Variants in C2CD2 observed in about 807,000 individuals in gnomAD.
The protein encoded by C2CD2 is C2 calcium dependent domain containing 2.
C2CD2 carries 43 observed loss-of-function variants against 74.3 expected under a neutral mutation model. The observed-to-expected ratio is 0.58, with a 90% CI of 0.45 to 0.75. The LOEUF is 0.75. C2CD2 is among the 30% of genes least tolerant of loss of function. The pLI is 0.00. For synonymous variants in C2CD2, 422 were observed against 390.7 expected, an observed-to-expected ratio of 1.08 and a Z score of -0.94; for missense variants, 801 against 916.3, an observed-to-expected ratio of 0.87 and a Z score of 1.63.
At chr21:41,891,596 C>A (rs2064754703) in intron 13 of C2CD2, among the ~76,000 whole-genome samples, 1 of 152,096 alleles carries the variant, frequency 6.6e-6, no homozygotes, top group Non-Finnish European at 1.5e-5. Context: ...AGGGGGACCT[C>A]AGTGGTGTTT....
chr21:41,894,817 G>A (rs1365250060), intron 13 of C2CD2: 1 of 456,684 alleles, frequency 2.2e-6, no homozygotes, highest in Non-Finnish European at 4.4e-6. Flanking sequence ...GGAGAACAGG[G>A]CCCCCAGATT....
At position 41,953,576 on chromosome 21, in the gene C2CD2, C is replaced by T. The variant is rs1363429976; in HGVS notation, c.73G>A (p.Ala25Thr). The change falls in exon 1 of 14, where the codon GCC (alanine) becomes ACC (threonine). Residue 25 changes from alanine (A) to threonine (T), a missense_variant. Coordinates refer to ENST00000380486, the MANE Select transcript of C2CD2 (RefSeq NM_015500.2). Reference protein sequence around the residue: ...WLALVSLFVAALATVGLYLAQ... With the variant: ...WLALVSLFVATLATVGLYLAQ... ...AGGTACAGGCCTACCGTGGCCAGGG[C>T]CGCGACGAAGAGCGACACCAGCGCG... is the stretch of plus-strand genomic sequence containing the variant. The T allele has an allele frequency of 3.3e-6, 5 of 1,499,650 alleles. No individual in the cohort carries two copies. The highest frequency in any genetic ancestry group is 4.4e-6 in the Non-Finnish European group (5 of 1,133,644). 92.9% of individuals were successfully genotyped at this position (1,499,650 alleles called of 1,614,324 possible). A position where few individuals can be genotyped will look rare whatever the true frequency, so the allele number is the denominator to read the frequency against.
At chr21:41,894,773 T>C (rs962328464) in intron 13 of C2CD2, 1 of 456,670 alleles carries the variant, frequency 2.2e-6, no homozygotes, top group Non-Finnish European at 4.4e-6. Context: ...TGGAAGCAGA[T>C]TGTTCACTAT....
rs1031491695 is a variant in C2CD2, at chr21:41,892,831, C to T, written c.1871-3487G>A. ...GCACCATACCTGCTCTCCTGCATGT[C>T]GCTGCTCATGCTCCTTCGCACTTCA... On this transcript the variant is annotated intron_variant, in intron 13 of 13. Coordinates refer to ENST00000380486, the MANE Select transcript of C2CD2 (RefSeq NM_015500.2). This position sits in a 1 kb window ranked among gnomAD's most constrained non-coding sequence, Gnocchi z 4.6. Among the ~76,000 whole-genome samples, 3 of 152,244 alleles carry T rather than the reference C, an allele frequency of 2.0e-5. No homozygotes were observed. Among genetic ancestry groups the T allele is most frequent in the Admixed American group, 1.3e-4 (2 of 15,284 alleles).
intron 2 of C2CD2, among the ~76,000 whole-genome samples, chr21:41,941,765 A>T (rs1273998057): frequency 6.6e-6 from 1 of 152,088 alleles, no homozygotes; most frequent in African/African-American, 2.4e-5. Flanking sequence ...ATTTTCCCCC[A>T]AGAGTCCCTC....
At chr21:41,909,891 C>G (rs1389776657) in intron 7 of C2CD2, among the ~76,000 whole-genome samples, 1 of 151,790 alleles carries the variant, frequency 6.6e-6, no homozygotes, top group African/African-American at 2.4e-5. Context: ...TGTGGCCAGT[C>G]GCTGCCATAT....
At chr21:41,936,757 T>C (rs2065310496) in intron 2 of C2CD2, among the ~76,000 whole-genome samples, 2 of 151,542 alleles carry the variant, frequency 1.3e-5, no homozygotes, top group Admixed American at 1.3e-4. Context: ...TTTATGATGA[T>C]CCACTTCCAC....
chr21:41,934,931 G>A (rs537209482), intron 2 of C2CD2, among the ~76,000 whole-genome samples: 61 of 151,610 alleles, frequency 4.0e-4, no homozygotes, highest in Admixed American at 1.1e-3. Flanking sequence ...TGGCTTTGTC[G>A]CTCAGGCTGA....
intron 6 of C2CD2, among the ~76,000 whole-genome samples, chr21:41,913,003 C>T (rs972378653): frequency 3.3e-5 from 5 of 152,198 alleles, no homozygotes; most frequent in African/African-American, 1.2e-4. Flanking sequence ...AAGTACCTCG[C>T]CCCCTCCGTC....
chr21:41,950,359 C>G (rs995131251), intron 1 of C2CD2, among the ~76,000 whole-genome samples: 9 of 152,164 alleles, frequency 5.9e-5, no homozygotes, highest in African/African-American at 2.2e-4. Context: ...GCAGGCAGAT[C>G]AGCAATGGTT....
At chr21:41,900,411 T>C (rs28449455) in intron 12 of C2CD2, among the ~76,000 whole-genome samples, 7,229 of 152,304 alleles carry the variant, frequency 0.047, 245 homozygotes, top group South Asian at 0.14. Flanking sequence ...AGAGAAAGTA[T>C]AGGGGAGATG....
At chr21:41,917,738 C>T (rs953388761) in intron 5 of C2CD2, among the ~76,000 whole-genome samples, 11 of 152,188 alleles carry the variant, frequency 7.2e-5, no homozygotes, top group African/African-American at 2.4e-4. Flanking sequence ...GGCAGCAGGC[C>T]GGCCCTAGCC....
At chr21:41,936,786 AT>A (rs1400477676) in intron 2 of C2CD2, among the ~76,000 whole-genome samples, 3 of 127,876 alleles carry the variant, frequency 2.3e-5, no homozygotes, top group South Asian at 2.5e-4. Flanking sequence ...TGGTAAATAG[AT>A]TTTTTTCTTC....
At position 41,899,049 on chromosome 21, in the gene C2CD2, G is replaced by C. The variant is rs1391202805; in HGVS notation, c.1870+4C>G. On this transcript the variant is annotated splice_donor_region_variant and intron_variant, in intron 13 of 13. Coordinates refer to ENST00000380486, the MANE Select transcript of C2CD2 (RefSeq NM_015500.2). The surrounding 1 kb of genome is among the most constrained non-coding windows in gnomAD (Gnocchi z 4.4). ...CCCGGGATGGGGGGCTCGGGAGCAG[G>C]TACCTTTATGCTTTTTGGCAGTGCC... The C allele has an allele frequency of 1.9e-6, 3 of 1,611,694 alleles. No individual in the cohort carries two copies. Among genetic ancestry groups the C allele is most frequent in the Non-Finnish European group, 2.5e-6 (3 of 1,178,836 alleles).
chr21:41,914,936 G>A (rs547289127), intron 5 of C2CD2, among the ~76,000 whole-genome samples: 1 of 152,198 alleles, frequency 6.6e-6, no homozygotes, highest in South Asian at 2.1e-4. Flanking sequence ...TCCTGCCTGG[G>A]AGCATTTTCT....
At chr21:41,900,190 C>T (rs1055780240) in intron 12 of C2CD2, among the ~76,000 whole-genome samples, 2 of 152,080 alleles carry the variant, frequency 1.3e-5, no homozygotes, top group East Asian at 1.9e-4. Flanking sequence ...AGGAGAATGG[C>T]GTGAACCTGG....
intron 12 of C2CD2, among the ~76,000 whole-genome samples, chr21:41,900,491 C>T (rs368696208): frequency 2.0e-5 from 3 of 152,274 alleles, no homozygotes; most frequent in Non-Finnish European, 2.9e-5. Context: ...TACTGGGCCC[C>T]GGACTTCCAG....
chr21:41,914,735 GA>G lies in C2CD2; in HGVS notation c.721-15del, dbSNP rs1385200934. Reference sequence around the variant, plus strand: ...ACACTGTAAGTTCTGAAAAAATAAAGAGCACTTTATTTTTGGTCTTCATGGG... The same window carrying G: ...ACACTGTAAGTTCTGAAAAAATAAAGGCACTTTATTTTTGGTCTTCATGGG... On this transcript the variant is annotated splice_polypyrimidine_tract_variant and intron_variant, in intron 5 of 13. Coordinates refer to ENST00000380486, the MANE Select transcript of C2CD2 (RefSeq NM_015500.2). The G allele has an allele frequency of 1.9e-6, 3 of 1,610,154 alleles. No individual in the cohort carries two copies. The highest frequency in any genetic ancestry group is 2.5e-6 in the Non-Finnish European group (3 of 1,178,084).
At chr21:41,921,189 G>A (rs938480286) in intron 3 of C2CD2, among the ~76,000 whole-genome samples, 1 of 152,218 alleles carries the variant, frequency 6.6e-6, no homozygotes, top group African/African-American at 2.4e-5. Context: ...TGCATGACTT[G>A]AGCTCATCCC....
Sources: gnomAD v4.1 joint callset for allele counts (sites outside exome capture counted in the v4.1 genomes callset) on GRCh38, gnomAD v4.1.1 for gene constraint, Gnocchi (gnomAD v3.1) non-coding constraint, MANE v1.5 for transcripts, NCBI Gene and HGNC (gene_info 2026-07-23, HGNC 2026-07-21) for gene names.